PCDHGB2: variants seen among roughly 807,000 people sequenced by gnomAD.
PCDHGB2 encodes the protein protocadherin gamma subfamily B, 2, also known as protocadherin gamma-B2.
Under a neutral mutation model 59.3 loss-of-function variants are expected in PCDHGB2, and 55 were observed. The ratio of observed to expected loss-of-function variants is 0.93; its 90% CI spans 0.75 to 1.16. The LOEUF (loss-of-function observed/expected upper bound fraction) is 1.16, where lower values mean the gene tolerates loss of function less well. Among genes scored for constraint, PCDHGB2 ranks in the 50% most tolerant of loss-of-function variants. The probability of loss-of-function intolerance (pLI) is 0.00; values close to 1 mark genes in which losing one functional copy is unlikely to be tolerated. For synonymous variants in PCDHGB2, 516 were observed against 512.0 expected (o/e 1.01, Z -0.11); for missense variants, 1,228 against 1,198.5 (o/e 1.02, Z -0.36).
In PCDHGB2 at chr5:141,423,110, G is replaced by A. The variant is rs62621243; in HGVS notation, c.2421+60554G>A. On this transcript the variant is annotated intron_variant, in intron 1 of 3. Coordinates refer to ENST00000522605, the MANE Select transcript of PCDHGB2 (RefSeq NM_018923.3). ...GTGGGGGAGCACACGGGCGAGGTGC[G>A]TACAGCGCGGGCACTGCTGGACAGA... The A allele has an allele frequency of 0.016, 25,324 of 1,613,842 alleles. 257 individuals carry two copies. Among genetic ancestry groups the A allele is most frequent in the Non-Finnish European group, 0.019 (22,060 of 1,179,980 alleles).
At chr5:141,420,230 A>G (rs758649822) in intron 1 of PCDHGB2, 3 of 1,601,528 alleles carry the variant, frequency 1.9e-6, no homozygotes, top group Admixed American at 1.7e-5. Flanking sequence ...ACTGGCTAGC[A>G]TTTTAACTCC....
intron 2 of PCDHGB2, among the ~76,000 whole-genome samples, chr5:141,497,213 G>A (rs1313220474): frequency 6.6e-6 from 1 of 152,126 alleles, no homozygotes; most frequent in Non-Finnish European, 1.5e-5. Flanking sequence ...GTGTAATGGG[G>A]GGGGGAAGAT....
intron 1 of PCDHGB2, among the ~76,000 whole-genome samples, chr5:141,488,738 A>G (rs1462948813): frequency 1.3e-5 from 2 of 152,222 alleles, no homozygotes; most frequent in Non-Finnish European, 2.9e-5. Context: ...TTCTGAAGTC[A>G]TGCAGGAAGT....
At chr5:141,378,926 T>C (rs1342547905) in intron 1 of PCDHGB2, 1 of 152,216 alleles carries the variant, frequency 6.6e-6, no homozygotes, top group Non-Finnish European at 1.5e-5. Flanking sequence ...AAAAGTAAGT[T>C]GATGGCCCTG....
intron 1 of PCDHGB2, chr5:141,384,667 A>G: frequency 6.2e-7 from 1 of 1,614,186 alleles, no homozygotes. Context: ...CCTGGTGACC[A>G]AGGTGGTGGC....
At chr5:141,392,654 A>G (rs2092571814) in intron 1 of PCDHGB2, 1 of 734,690 alleles carries the variant, frequency 1.4e-6, no homozygotes, top group Admixed American at 3.4e-5. Flanking sequence ...AGACCCGCAG[A>G]TGCCACAAAC....
chr5:141,361,044 A>C lies in PCDHGB2; in HGVS notation c.909A>C (p.Thr303=), dbSNP rs757892379. Residue 303 remains threonine (T), a synonymous_variant, in exon 1 of 4, where the codon ACA becomes ACC. Coordinates refer to ENST00000522605, the MANE Select transcript of PCDHGB2 (RefSeq NM_018923.3). Reference sequence around the variant, plus strand: ...ATGAAAAAACAGGAGAAATCACGACAAAGGATGATTTGGATTTTGAGATTG... The same window carrying C: ...ATGAAAAAACAGGAGAAATCACGACCAAGGATGATTTGGATTTTGAGATTG... The part of the protein sequence containing the change: ...NLNEKTGEIT[T]KDDLDFEIAS... 3.7e-6 allele frequency: 6 copies of C among 1,613,540 alleles called. No individual in the cohort carries two copies. Among genetic ancestry groups the C allele is most frequent in the East Asian group, 2.2e-5 (1 of 44,894 alleles).
At chr5:141,492,009 G>C in intron 1 of PCDHGB2, 1 of 617,702 alleles carries the variant, frequency 1.6e-6, no homozygotes, top group Non-Finnish European at 2.7e-6. Flanking sequence ...GATTTCCGCG[G>C]GTGTCGGGGG....
intron 1 of PCDHGB2, chr5:141,403,361 A>T (rs760277157): frequency 3.1e-6 from 5 of 1,614,050 alleles, no homozygotes; most frequent in Middle Eastern, 1.6e-4. Context: ...CCAGGCCGAA[A>T]GTCTGGAAGT....
rs771504785 is a variant in PCDHGB2 at position 141,360,964 on chromosome 5, A to G, written c.829A>G (p.Ile277Val). Reference protein sequence around the residue: ...TDRDEGINAEITYSFHNVDEQ... With the variant: ...TDRDEGINAEVTYSFHNVDEQ... ...CCGGGATGAAGGCATAAACGCAGAGATCACCTACTCCTTTCATAATGTGGA... is the reference window on the plus strand; with the variant it reads ...CCGGGATGAAGGCATAAACGCAGAGGTCACCTACTCCTTTCATAATGTGGA... The change falls in exon 1 of 4, where the codon ATC becomes GTC. Residue 277 changes from isoleucine (I) to valine (V), a missense_variant. Ile to Val is a conservative substitution (Grantham distance 29, BLOSUM62 3). Around this residue, in one of 3 missense-constraint regions of PCDHGB2, gnomAD observed 781 missense variants for 721.6 expected, o/e 1.08. Transcript: ENST00000522605. The G allele has an allele frequency of 1.2e-6, 2 of 1,613,962 alleles. No homozygotes were observed. Among genetic ancestry groups the G allele is most frequent in the Non-Finnish European group, 1.7e-6 (2 of 1,179,876 alleles).
intron 3 of PCDHGB2, among the ~76,000 whole-genome samples, chr5:141,509,620 C>G (rs1321910971): frequency 6.6e-6 from 1 of 152,188 alleles, no homozygotes; most frequent in African/African-American, 2.4e-5. Context: ...TAAACAAGTT[C>G]CTGGGTGATG....
At chr5:141,421,189 C>G in intron 1 of PCDHGB2, 1 of 1,477,674 alleles carries the variant, frequency 6.8e-7, no homozygotes, top group Non-Finnish European at 9.0e-7. Flanking sequence ...CACAACCAAC[C>G]AGCTCGAGAA....
chr5:141,365,000 G>A (rs188773052), intron 1 of PCDHGB2: 10 of 1,613,822 alleles, frequency 6.2e-6, no homozygotes, highest in Admixed American at 5.0e-5. Context: ...GGTACTCTCC[G>A]GCACCACGCA....
At chr5:141,364,167 G>A in intron 1 of PCDHGB2, 1 of 724,670 alleles carries the variant, frequency 1.4e-6, no homozygotes, top group Non-Finnish European at 2.0e-6. Context: ...GAGGCGACCC[G>A]ACTCTGCTCC....
chr5:141,400,007 C>G (rs907315450), intron 1 of PCDHGB2: 2 of 1,612,506 alleles, frequency 1.2e-6, no homozygotes, highest in African/African-American at 1.3e-5. Flanking sequence ...ACAGCGCGTG[C>G]CTTGGGCGAC....
At chr5:141,421,824 A>G in intron 1 of PCDHGB2, 1 of 1,613,768 alleles carries the variant, frequency 6.2e-7, no homozygotes, top group Non-Finnish European at 8.5e-7. Flanking sequence ...TACTGGAGGG[A>G]AGCCTGGACC....
In PCDHGB2 at chr5:141,431,543, C is replaced by T. The variant is rs1334234544; in HGVS notation, c.2422-63264C>T. The T allele has an allele frequency of 1.9e-6, 3 of 1,614,128 alleles. No individual in the cohort carries two copies. The highest frequency in any genetic ancestry group is 2.5e-6 in the Non-Finnish European group (3 of 1,180,036). ...GAATCTGGCCTTGGGCACGCAGCTGCTTGTAGTCAACGCTACCGACCCTGA... is the reference window on the plus strand; with the variant it reads ...GAATCTGGCCTTGGGCACGCAGCTGTTTGTAGTCAACGCTACCGACCCTGA... On this transcript the variant is annotated intron_variant, in intron 1 of 3. Transcript: ENST00000522605. This position sits in a 1 kb window ranked among gnomAD's most constrained non-coding sequence, Gnocchi z 4.8.
At chr5:141,418,583 T>A (rs1242446631) in intron 1 of PCDHGB2, 1 of 1,613,862 alleles carries the variant, frequency 6.2e-7, no homozygotes, top group Non-Finnish European at 8.5e-7. Flanking sequence ...CCCCCCAGTG[T>A]TCAGCCAGGA....
At chr5:141,417,993 C>T (rs753867006) in intron 1 of PCDHGB2, 11 of 1,613,830 alleles carry the variant, frequency 6.8e-6, no homozygotes, top group Non-Finnish European at 7.6e-6. Flanking sequence ...GCCAAGGGCT[C>T]GGTGGTGGGG....
Sources: allele counts gnomAD v4.1 joint callset (sites outside exome capture counted in the v4.1 genomes callset), GRCh38; gene constraint gnomAD v4.1.1; regional missense constraint gnomAD v4.1.1; non-coding constraint Gnocchi (gnomAD v3.1); transcripts MANE v1.5; gene names NCBI Gene and HGNC (gene_info 2026-07-23, HGNC 2026-07-21).